The following CLCNKA variants were observed in gnomAD, a reference collection of about 807,000 sequenced individuals.
The protein encoded by CLCNKA is chloride voltage-gated channel Ka.
A neutral mutation model predicts 83.3 loss-of-function variants in CLCNKA; 66 were observed. The ratio of observed to expected loss-of-function variants is 0.79; its 90% CI spans 0.65 to 0.97. The LOEUF is 0.97. CLCNKA is among the 50% of genes least tolerant of loss of function. The pLI, the probability that CLCNKA is intolerant of heterozygous loss-of-function variation, is 0.00. For synonymous variants in CLCNKA, 357 were observed against 370.4 expected, an observed-to-expected ratio of 0.96 and a Z score of 0.42; for missense variants, 806 against 888.7, an observed-to-expected ratio of 0.91 and a Z score of 1.18.
intron 10 of CLCNKA, 105 bp downstream of exon 10, chr1:16,028,224 C>T (rs1419684053): frequency 2.9e-6 from 3 of 1,044,006 alleles, no homozygotes; most frequent in East Asian, 5.1e-5. Context: ...CCCCTAAATC[C>T]CTCCCTAGCC....
At chr1:16,027,499 TCTC>T (rs1346589576) in intron 8 of CLCNKA, 64 bp downstream of exon 8, 3 of 1,603,090 alleles carry the variant, frequency 1.9e-6, no homozygotes, top group South Asian at 1.1e-5. Flanking sequence ...AGACCTCCCT[TCTC>T]CTCTGTGTAC....
intron 12 of CLCNKA, 161 bp downstream of exon 12, chr1:16,029,460 G>T: frequency 8.3e-7 from 1 of 1,198,078 alleles, no homozygotes. Context: ...AGTGGCTTCA[G>T]GTCTCTGGAC....
chr1:16,029,405 C>A (rs1456986121), intron 12 of CLCNKA, 106 bp downstream of exon 12: 3 of 1,535,154 alleles, frequency 2.0e-6, no homozygotes, highest in Non-Finnish European at 2.7e-6. Flanking sequence ...GGCCTCTCAC[C>A]CACACTTCCT....
rs12126269 is a variant in CLCNKA at position 16,028,095 on chromosome 1, A to T, written c.944A>T (p.Tyr315Phe). ...TFLSFIKTNR[Y>F]SSKLLATSKP... ...CTCAGCTTCATCAAGACCAATCGGT[A>T]CAGCTCCAAACTGCTGGCTACTAGG... Residue 315 changes from tyrosine to phenylalanine, a missense_variant, in exon 10 of 20, where the codon TAC becomes TTC. Tyr to Phe is a conservative substitution (Grantham distance 22). Transcript: ENST00000331433. 0.21 allele frequency: 343,338 copies of T among 1,613,746 alleles called. 38,254 individuals carry two copies. The highest frequency in any genetic ancestry group is 0.25 in the Admixed American group (15,101 of 60,002).
intron 3 of CLCNKA, among the ~76,000 whole-genome samples, chr1:16,024,398 G>C (rs2124021764): frequency 6.6e-6 from 1 of 152,362 alleles, no homozygotes; most frequent in South Asian, 2.1e-4. Flanking sequence ...CTACTATGGT[G>C]TTACGGTGTT....
intron 10 of CLCNKA, chr1:16,028,516 C>G: frequency 1.5e-6 from 1 of 663,038 alleles, no homozygotes; most frequent in Non-Finnish European, 2.8e-6. Flanking sequence ...TGCCCCAATT[C>G]TCCTCTCAAT....
At chr1:16,023,663 C>A in intron 2 of CLCNKA, 137 bp from the exon 3 acceptor site, 1 of 937,700 alleles carries the variant, frequency 1.1e-6, no homozygotes, top group Non-Finnish European at 1.7e-6. Flanking sequence ...CTCTCTGACT[C>A]AGGCGGGGCC....
rs3897353 is a variant in CLCNKA at position 16,024,460 on chromosome 1, T to C, written c.230-303T>C. Among the ~76,000 whole-genome samples the C allele has an allele frequency of 0.02, 3,090 of 152,240 alleles. 98 individuals are homozygous for C. The highest frequency in any genetic ancestry group is 0.068 in the African/African-American group (2,829 of 41,534). ...TTCTCAGTGGCCCTTTAGTCTTTAA[T>C]GTCTTTAGTCTTCAATGAGCCTGTG... On this transcript the variant is annotated intron_variant, in intron 3 of 19. Coordinates refer to ENST00000331433, the MANE Select transcript of CLCNKA (RefSeq NM_004070.4).
Position 16,032,517 on chromosome 1 carries a change from C to T in CLCNKA, c.1920C>T (p.Thr640=), listed in dbSNP as rs2022668525. The change falls in exon 18 of 20, where the codon ACC becomes ACT. Residue 640 remains threonine, a synonymous_variant. Coordinates refer to ENST00000331433, the MANE Select transcript of CLCNKA (RefSeq NM_004070.4). ...CCCTGACGCTATTCTCAGAGACCAC[C>T]TTGCACCAGGTAACAAGTATTGGGG... ...PVTLTLFSET[T]LHQAQNLFKL... 4 of 1,612,282 alleles carry T rather than the reference C, an allele frequency of 2.5e-6. No individual in the cohort carries two copies. In the South Asian group the frequency reaches 4.4e-5, roughly 18 times the overall value.
In CLCNKA at chr1:16,031,775, C is replaced by G; in HGVS notation, c.1688C>G (p.Pro563Arg). 1 of 1,613,956 alleles carries G rather than the reference C, an allele frequency of 6.2e-7. No individual in the cohort carries two copies. The highest frequency in any genetic ancestry group is 1.3e-5 in the African/African-American group (1 of 75,020). Residue 563 changes from proline to arginine, a missense_variant, in exon 16 of 20, where the codon CCG (proline) becomes CGG (arginine). By Grantham distance (103) the Pro-to-Arg change is moderately radical (BLOSUM62 -2). Coordinates refer to ENST00000331433, the MANE Select transcript of CLCNKA (RefSeq NM_004070.4). ...HSITTLAKDT[P>R]LEEVVKVVTS... ...ATCACCACACTGGCCAAGGACACGCCGCTGGAGGAGGTGGTCAAGGTTGTG... is the reference window on the plus strand; with the variant it reads ...ATCACCACACTGGCCAAGGACACGCGGCTGGAGGAGGTGGTCAAGGTTGTG...
intron 16 of CLCNKA, 128 bp downstream of exon 16, chr1:16,031,971 C>T: frequency 1.3e-6 from 2 of 1,496,358 alleles, no homozygotes; most frequent in Non-Finnish European, 1.8e-6. Flanking sequence ...TGACCTTGAG[C>T]AAGTCACTTC....
Position 16,029,266 on chromosome 1 carries a change from C to G in CLCNKA, c.1194C>G (p.Ile398Met). ...AATGGTACCACCCGCGGTTCACCAT[C>G]TTTGGGACCCTTGCCTTCTTCCTGG... ...WWEWYHPRFT[I>M]FGTLAFFLVM... Residue 398 changes from isoleucine to methionine, a missense_variant, in exon 12 of 20, where the codon ATC becomes ATG. By Grantham distance (10) the Ile-to-Met change is conservative (BLOSUM62 1). Transcript: ENST00000331433. The G allele has an allele frequency of 6.2e-7, 1 of 1,613,946 alleles. No individual in the cohort carries two copies. Among genetic ancestry groups the G allele is most frequent in the Non-Finnish European group, 8.5e-7 (1 of 1,179,994 alleles).
chr1:16,031,153 A>G (rs1216936343), intron 15 of CLCNKA, among the ~76,000 whole-genome samples: 3 of 152,182 alleles, frequency 2.0e-5, no homozygotes, highest in Non-Finnish European at 4.4e-5. Flanking sequence ...AGAAAAGCAG[A>G]CCAAAGAGGC....
At chr1:16,026,448 G>A in intron 5 of CLCNKA, 88 bp from the exon 6 acceptor site, 2 of 1,568,652 alleles carry the variant, frequency 1.3e-6, no homozygotes, top group Non-Finnish European at 1.7e-6. Flanking sequence ...TTGGGGAGAT[G>A]GAGGAGGGGG....
At chr1:16,026,952 G>T in intron 7 of CLCNKA, 177 bp downstream of exon 7, 3 of 823,332 alleles carry the variant, frequency 3.6e-6, no homozygotes, top group Non-Finnish European at 3.9e-6. Flanking sequence ...GCGGGTGGTT[G>T]GGGGCGTGGT....
At position 16,030,610 on chromosome 1, in the gene CLCNKA, T is replaced by C; in HGVS notation, c.1558T>C (p.Tyr520His). ...AIAQSCQPSF[Y>H]DGTIIVKKLP... ...TGCACAGAGCTGCCAGCCCTCCTTCTATGATGGCACCATCATTGTCAAGAA... is the reference window on the plus strand; with the variant it reads ...TGCACAGAGCTGCCAGCCCTCCTTCCATGATGGCACCATCATTGTCAAGAA... Residue 520 changes from tyrosine to histidine, a missense_variant, in exon 15 of 20, where the codon TAT becomes CAT. Coordinates refer to ENST00000331433, the MANE Select transcript of CLCNKA (RefSeq NM_004070.4). 6.2e-7 allele frequency: 1 copy of C among 1,613,092 alleles called. No individual in the cohort carries two copies. The highest frequency in any genetic ancestry group is 8.5e-7 in the Non-Finnish European group (1 of 1,180,036).
chr1:16,033,355 C>T, intron 19 of CLCNKA, 99 bp downstream of exon 19: 1 of 1,342,664 alleles, frequency 7.4e-7, no homozygotes, highest in Non-Finnish European at 1.1e-6. Flanking sequence ...CCCATCCAAA[C>T]CTGGGGGGAT....
chr1:16,031,100 A>G (rs1475231679), intron 15 of CLCNKA, among the ~76,000 whole-genome samples: 3 of 152,192 alleles, frequency 2.0e-5, no homozygotes, highest in African/African-American at 4.8e-5. Context: ...TGGGCTTTGA[A>G]GTCCTCACTC....
At position 16,029,879 on chromosome 1, in the gene CLCNKA, G is replaced by A. The variant is rs973844514; in HGVS notation, c.1297+79G>A. On this transcript the variant is annotated intron_variant, in intron 13 of 19. Coordinates refer to ENST00000331433, the MANE Select transcript of CLCNKA (RefSeq NM_004070.4). Reference sequence around the variant, plus strand: ...ATGCATCCTGGTTCACCCTCTTCCCGGGTGGTACTAAGGATGGTCCTCAGG... The same window carrying A: ...ATGCATCCTGGTTCACCCTCTTCCCAGGTGGTACTAAGGATGGTCCTCAGG... 139 of 1,605,894 alleles carry A rather than the reference G, an allele frequency of 8.7e-5. 2 individuals are homozygous for A. In the Admixed American group the frequency reaches 1.4e-3, roughly 16 times the overall value.
Sources: gnomAD v4.1 joint callset for allele counts (sites outside exome capture counted in the v4.1 genomes callset) on GRCh38, gnomAD v4.1.1 for gene constraint, MANE v1.5 for transcripts, NCBI Gene and HGNC (gene_info 2026-07-23, HGNC 2026-07-21) for gene names.